The following STK24 variants were observed in gnomAD, a reference collection of about 807,000 sequenced individuals.
STK24 encodes the protein serine/threonine kinase 24.
In STK24, 21 loss-of-function variants were observed where a neutral mutation model predicts 55.6. The ratio of observed to expected loss-of-function variants is 0.38; its 90% confidence interval spans 0.27 to 0.54. The LOEUF (loss-of-function observed/expected upper bound fraction) is 0.54, where lower values mean the gene tolerates loss of function less well. STK24 is among the 20% of genes least tolerant of loss of function. STK24 has a pLI of 0.79. For missense variants in STK24, 383 were observed against 538.4 expected (o/e 0.71, Z 2.86); for synonymous variants, 200 against 215.2 (o/e 0.93, Z 0.62).
At position 98,525,577 on chromosome 13, in the gene STK24, T is replaced by C. The variant is rs77919930; in HGVS notation, c.43-6104A>G. On this transcript the variant is annotated intron_variant, in intron 1 of 10. Coordinates refer to ENST00000539966, the MANE Select transcript of STK24 (RefSeq NM_001032296.4). ...TCAGCACTCAAAAATATCAATTAGA[T>C]GCCTTGTCCCTACAGTGGAGCCGGG... 6.6e-3 allele frequency among the ~76,000 whole-genome samples: 1,011 copies of C among 152,268 alleles called. 7 individuals carry two copies. Among genetic ancestry groups the C allele is most frequent in the African/African-American group, 0.023 (964 of 41,558 alleles).
At chr13:98,458,160 T>G (rs1352925379) in intron 9 of STK24, among the ~76,000 whole-genome samples, 1 of 152,138 alleles carries the variant, frequency 6.6e-6, no homozygotes, top group Non-Finnish European at 1.5e-5. Context: ...GCACCTCTAC[T>G]CCCAAGAGAA....
At chr13:98,463,342 T>G (rs894703296) in intron 7 of STK24, among the ~76,000 whole-genome samples, 3 of 152,222 alleles carry the variant, frequency 2.0e-5, no homozygotes, top group African/African-American at 7.2e-5. Context: ...TTCTGGCCTT[T>G]CAGACATCCA....
chr13:98,571,661 G>T (rs1289810509), intron 1 of STK24, among the ~76,000 whole-genome samples: 1 of 151,940 alleles, frequency 6.6e-6, no homozygotes, highest in African/African-American at 2.4e-5. Flanking sequence ...CACTTACATA[G>T]GCAACTAACT....
chr13:98,529,834 A>C (rs1263313335), intron 1 of STK24, among the ~76,000 whole-genome samples: 1 of 152,164 alleles, frequency 6.6e-6, no homozygotes, highest in Non-Finnish European at 1.5e-5. Context: ...AGGTCTAAGA[A>C]ATGATGCTGG....
At chr13:98,465,997 ATTTAC>A (rs1893914133) in intron 6 of STK24, among the ~76,000 whole-genome samples, 1 of 152,226 alleles carries the variant, frequency 6.6e-6, no homozygotes, top group African/African-American at 2.4e-5. Context: ...AAGTGAAAAC[ATTTAC>A]TTTAAAGACA....
chr13:98,540,175 T>C (rs1202455240), intron 1 of STK24, among the ~76,000 whole-genome samples: 1 of 152,190 alleles, frequency 6.6e-6, no homozygotes, highest in African/African-American at 2.4e-5. Context: ...TTTATAGAGC[T>C]ACAAAGTAGA....
At position 98,446,880 on chromosome 13, in the gene STK24, G is replaced by A. The variant is rs1385627675; in HGVS notation, c.*6293C>T. 24 of 1,571,848 alleles carry A rather than the reference G, an allele frequency of 1.5e-5. No individual in the cohort carries two copies. The highest frequency in any genetic ancestry group is 2.2e-5 in the East Asian group (1 of 44,498). ...GAGGACCCCCTCTTCCAAACATCAG[G>A]ATTTCTCCCAAGTCAGCGAGTGAGA... On this transcript the variant is annotated 3_prime_UTR_variant, in exon 11 of 11. Coordinates refer to ENST00000539966, the MANE Select transcript of STK24 (RefSeq NM_001032296.4).
At chr13:98,499,568 T>G (rs1370017865) in intron 2 of STK24, among the ~76,000 whole-genome samples, 1 of 151,998 alleles carries the variant, frequency 6.6e-6, no homozygotes, top group Admixed American at 6.5e-5. Flanking sequence ...ATTTCAGGGG[T>G]GGGGTGCGTC....
chr13:98,477,997 G>A (rs904031176), intron 3 of STK24, among the ~76,000 whole-genome samples: 1 of 152,162 alleles, frequency 6.6e-6, no homozygotes, highest in Non-Finnish European at 1.5e-5. Context: ...TGCCCATGGG[G>A]AACGAGGAGG....
In STK24 at chr13:98,475,235, CG is replaced by C; in HGVS notation, c.439+14del. 1 of 1,591,446 alleles carries C rather than the reference CG, an allele frequency of 6.3e-7. No homozygotes were observed. The highest frequency in any genetic ancestry group is 1.4e-5 in the African/African-American group (1 of 74,028). On this transcript the variant is annotated intron_variant, in intron 4 of 10. Coordinates refer to ENST00000539966, the MANE Select transcript of STK24 (RefSeq NM_001032296.4). ...CTTCAGTATTTCAAAGGAATGAAAA[CG>C]GATGTCCTCTTACCTTTAATGTCTC... is the stretch of plus-strand genomic sequence containing the variant.
chr13:98,464,762 G>A (rs757595611), intron 6 of STK24, among the ~76,000 whole-genome samples: 1 of 152,020 alleles, frequency 6.6e-6, no homozygotes, highest in Non-Finnish European at 1.5e-5. Flanking sequence ...CTCCCAAAGT[G>A]CTGGGATTAC....
intron 2 of STK24, among the ~76,000 whole-genome samples, chr13:98,492,532 G>C (rs376205836): frequency 1.3e-5 from 2 of 152,098 alleles, no homozygotes; most frequent in African/African-American, 2.4e-5. Flanking sequence ...GATTTGCTCC[G>C]CACAGCCCAC....
intron 3 of STK24, among the ~76,000 whole-genome samples, chr13:98,478,500 G>A (rs1321810608): frequency 6.6e-6 from 1 of 152,340 alleles, no homozygotes; most frequent in South Asian, 2.1e-4. Context: ...AAGACCAAGG[G>A]AAGCCTGGGG....
At chr13:98,503,313 G>A (rs1683729088) in intron 2 of STK24, among the ~76,000 whole-genome samples, 1 of 152,136 alleles carries the variant, frequency 6.6e-6, no homozygotes, top group African/African-American at 2.4e-5. Context: ...CATGCCAACA[G>A]ACCAGTTTTA....
chr13:98,520,653 A>T (rs1184887055), intron 1 of STK24, among the ~76,000 whole-genome samples: 1 of 152,232 alleles, frequency 6.6e-6, no homozygotes, highest in Non-Finnish European at 1.5e-5. Flanking sequence ...GTGCCTCATG[A>T]GTGACGTGAG....
chr13:98,574,644 C>A (rs555545510), intron 1 of STK24, among the ~76,000 whole-genome samples: 1 of 152,310 alleles, frequency 6.6e-6, no homozygotes, highest in South Asian at 2.1e-4. Context: ...AGCCAACTTA[C>A]CTACCTCTAA....
At chr13:98,558,922 T>C (rs537504897) in intron 1 of STK24, among the ~76,000 whole-genome samples, 3 of 147,988 alleles carry the variant, frequency 2.0e-5, no homozygotes, top group Non-Finnish European at 4.4e-5. Context: ...CCCAGCACTT[T>C]AGGAGGCTGA....
intron 1 of STK24, among the ~76,000 whole-genome samples, chr13:98,541,191 T>G (rs1277185417): frequency 6.6e-6 from 1 of 152,228 alleles, no homozygotes; most frequent in Non-Finnish European, 1.5e-5. Context: ...ATATAAGCTC[T>G]GGAAAACTTT....
chr13:98,530,674 C>T (rs998998363), intron 1 of STK24, among the ~76,000 whole-genome samples: 1 of 152,138 alleles, frequency 6.6e-6, no homozygotes, highest in African/African-American at 2.4e-5. Flanking sequence ...AGCTGTGGTG[C>T]GCTGCTGCAA....
Sources: gnomAD v4.1 joint callset for allele counts (sites outside exome capture counted in the v4.1 genomes callset) on GRCh38, gnomAD v4.1.1 for gene constraint, MANE v1.5 for transcripts, NCBI Gene and HGNC (gene_info 2026-07-23, HGNC 2026-07-21) for gene names.